Variants in RTN1 observed in about 807,000 individuals in gnomAD.
RTN1 encodes the protein reticulon 1.
A neutral mutation model predicts 65.5 loss-of-function variants in RTN1; 25 were observed. The ratio of observed to expected loss-of-function variants is 0.38; its 90% CI spans 0.28 to 0.53. The LOEUF (loss-of-function observed/expected upper bound fraction) is 0.53. Among genes scored for constraint, RTN1 ranks in the 20% least tolerant of loss-of-function variants. RTN1 has a pLI of 0.79. For synonymous variants in RTN1, 471 were observed against 447.6 expected, an observed-to-expected ratio of 1.05 and a Z score of -0.66; for missense variants, 983 against 1,025.4, an observed-to-expected ratio of 0.96 and a Z score of 0.57.
Position 59,790,581 on chromosome 14 carries a change from C to A in RTN1, c.242-44100G>T, listed in dbSNP as rs561810242. On this transcript the variant is annotated intron_variant, in intron 1 of 8. Transcript: ENST00000267484. The surrounding 1 kb of genome is among the most constrained non-coding windows in gnomAD (Gnocchi z 4.1). Reference sequence around the variant, plus strand: ...GTGAAAGATGCCTGAAGAATTCATTCTCTGGCGTCAAAGCTTAACCAGAGA... The same window carrying A: ...GTGAAAGATGCCTGAAGAATTCATTATCTGGCGTCAAAGCTTAACCAGAGA... Among the ~76,000 whole-genome samples the A allele has an allele frequency of 6.6e-6, 1 of 152,106 alleles. No individual in the cohort carries two copies. Among genetic ancestry groups the A allele is most frequent in the East Asian group, 1.9e-4 (1 of 5,196 alleles).
At chr14:59,630,658 G>C in intron 3 of RTN1, 1 of 1,237,402 alleles carries the variant, frequency 8.1e-7, no homozygotes, top group Non-Finnish European at 1.0e-6. Flanking sequence ...TGAGGGGCGG[G>C]AGCGTCGCTG....
intron 3 of RTN1, among the ~76,000 whole-genome samples, chr14:59,661,233 C>G (rs12878916): frequency 0.44 from 57,845 of 130,022 alleles, 12,936 homozygotes; most frequent in African/African-American, 0.58. Context: ...TTGTGAAATT[C>G]AGGCAGTAAT....
intron 1 of RTN1, among the ~76,000 whole-genome samples, chr14:59,869,024 G>T (rs566916091): frequency 1.3e-5 from 2 of 151,992 alleles, no homozygotes; most frequent in African/African-American, 2.4e-5. Flanking sequence ...AACCTTTGGC[G>T]TTTGGCGTTG....
intron 2 of RTN1, among the ~76,000 whole-genome samples, chr14:59,732,923 T>C (rs906577240): frequency 6.6e-5 from 10 of 152,122 alleles, no homozygotes; most frequent in Non-Finnish European, 1.5e-4. Context: ...TGAGACTGCA[T>C]TGGAGCCCCC....
At chr14:59,690,752 C>T (rs1223763681) in intron 3 of RTN1, among the ~76,000 whole-genome samples, 1 of 151,946 alleles carries the variant, frequency 6.6e-6, no homozygotes, top group East Asian at 1.9e-4. Context: ...CTCTGGACCA[C>T]AGTACAGGAA....
At chr14:59,748,212 T>G (rs993509231) in intron 1 of RTN1, among the ~76,000 whole-genome samples, 25 of 143,314 alleles carry the variant, frequency 1.7e-4, no homozygotes, top group South Asian at 1.7e-3. Flanking sequence ...TCTGTGAGGT[T>G]TTTTTTTTTT....
chr14:59,728,111 TCAA>T lies in RTN1; in HGVS notation c.1016-446_1016-444del, dbSNP rs572628148. 3.2e-3 allele frequency among the ~76,000 whole-genome samples: 488 copies of T among 152,286 alleles called. 3 individuals carry two copies. Among genetic ancestry groups the T allele is most frequent in the African/African-American group, 0.011 (453 of 41,530 alleles). On this transcript the variant is annotated intron_variant, in intron 2 of 8. Coordinates refer to ENST00000267484, the MANE Select transcript of RTN1 (RefSeq NM_021136.3). ...AGCACTCTAATTGGGCCCACGAATATCAACAAATCTGAAAATCACCCATTATTC... is the reference window on the plus strand; with the variant it reads ...AGCACTCTAATTGGGCCCACGAATATCAAATCTGAAAATCACCCATTATTC...
chr14:59,841,259 G>T lies in RTN1; in HGVS notation c.241+29131C>A, dbSNP rs930114868. The stretch of plus-strand genomic sequence containing the variant: ...GCTTTTATTAACTGAAAAGACAGAA[G>T]ATGCAAGTAATGAAGGAATAAAACC... On this transcript the variant is annotated intron_variant, in intron 1 of 8. Transcript: ENST00000267484. 3.3e-5 allele frequency among the ~76,000 whole-genome samples: 5 copies of T among 152,222 alleles called. No individual in the cohort carries two copies. In the South Asian group the frequency reaches 1.0e-3, roughly 32 times the overall value.
chr14:59,697,930 G>T (rs542199691), intron 3 of RTN1, among the ~76,000 whole-genome samples: 1 of 152,074 alleles, frequency 6.6e-6, no homozygotes, highest in Non-Finnish European at 1.5e-5. Context: ...TTAGAAAAGC[G>T]GGTTGGAGGA....
At chr14:59,713,130 T>C (rs1168196053) in intron 3 of RTN1, among the ~76,000 whole-genome samples, 2 of 152,120 alleles carry the variant, frequency 1.3e-5, no homozygotes, top group Admixed American at 1.3e-4. Flanking sequence ...GGTTAACTTG[T>C]CCAGAGTCAC....
chr14:59,622,585 TTC>T (rs1462538493), intron 3 of RTN1, among the ~76,000 whole-genome samples: 7 of 152,220 alleles, frequency 4.6e-5, no homozygotes, highest in African/African-American at 1.7e-4. Context: ...GCCAGTTTTT[TTC>T]TGACTGATTT....
chr14:59,659,772 G>C (rs1279180929), intron 3 of RTN1, among the ~76,000 whole-genome samples: 4 of 152,288 alleles, frequency 2.6e-5, no homozygotes, highest in African/African-American at 7.2e-5. Context: ...ACCAGTACCA[G>C]CCACTGCAAA....
chr14:59,796,030 T>C (rs1446379786), intron 1 of RTN1, among the ~76,000 whole-genome samples: 1 of 152,200 alleles, frequency 6.6e-6, no homozygotes, highest in Non-Finnish European at 1.5e-5. Flanking sequence ...GTAAGGTCTC[T>C]GCCCCTGTGA....
At chr14:59,626,530 A>G (rs2140181089) in intron 3 of RTN1, among the ~76,000 whole-genome samples, 1 of 152,366 alleles carries the variant, frequency 6.6e-6, no homozygotes, top group Non-Finnish European at 1.5e-5. Flanking sequence ...AATGATCTTT[A>G]GAGAACAAAC....
intron 3 of RTN1, among the ~76,000 whole-genome samples, chr14:59,661,199 G>A (rs1234341815): frequency 7.5e-6 from 1 of 132,802 alleles, no homozygotes; most frequent in Non-Finnish European, 1.5e-5. Flanking sequence ...AAGAAGTTGA[G>A]TCCCTGAACA....
At chr14:59,610,299 C>T (rs1394399651) in intron 3 of RTN1, 2 of 583,532 alleles carry the variant, frequency 3.4e-6, no homozygotes, top group East Asian at 5.8e-5. Flanking sequence ...GCAGATCTTT[C>T]AATTACTTGC....
chr14:59,727,237 G>T lies in RTN1; in HGVS notation c.1447C>A (p.Arg483=). ...ASSASEESPK[R]EQDSPPMKPS... is the part of the protein sequence containing the mutation. ...TTCATCGGGGGTGAGTCCTGCTCCC[G>T]CTTGGGGCTCTCCTCCGAGGCCGAG... The change falls in exon 3 of 9, where the codon CGG becomes AGG. Residue 483 remains arginine, a synonymous_variant. Transcript: ENST00000267484. The surrounding 1 kb of genome is among the most constrained non-coding windows in gnomAD (Gnocchi z 4.2). 1 of 1,550,024 alleles carries T rather than the reference G, an allele frequency of 6.5e-7. No homozygotes were observed. The highest frequency in any genetic ancestry group is 8.7e-7 in the Non-Finnish European group (1 of 1,148,274).
rs536171990 is a variant in RTN1, at chr14:59,630,810, G to A, written c.1766-23318C>T. 1.6e-4 allele frequency: 160 copies of A among 1,025,304 alleles called. No homozygotes were observed. The African/African-American group carries it at 2.6e-3, about 17-fold the overall frequency. 63.5% of individuals were successfully genotyped at this position (1,025,304 alleles called of 1,614,324 possible). A position where few individuals can be genotyped will look rare whatever the true frequency, so the allele number is the denominator to read the frequency against. ...TGCTACCCTGGAGACGGGTAAAGCG[G>A]TTCTGGCCGCGAAGGCGCTGACGCG... is the stretch of plus-strand genomic sequence containing the variant. On this transcript the variant is annotated intron_variant, in intron 3 of 8. Coordinates refer to ENST00000267484, the MANE Select transcript of RTN1 (RefSeq NM_021136.3).
At chr14:59,712,011 T>A (rs2139458401) in intron 3 of RTN1, among the ~76,000 whole-genome samples, 2 of 152,304 alleles carry the variant, frequency 1.3e-5, no homozygotes, top group East Asian at 1.9e-4. Context: ...GATATTCAAC[T>A]GGCACAGAAG....
Sources: gnomAD v4.1 joint callset for allele counts (sites outside exome capture counted in the v4.1 genomes callset) on GRCh38, gnomAD v4.1.1 for gene constraint, Gnocchi (gnomAD v3.1) non-coding constraint, MANE v1.5 for transcripts, NCBI Gene and HGNC (gene_info 2026-07-23, HGNC 2026-07-21) for gene names.